The following MCMDC2 variants were observed in gnomAD, a reference collection of about 807,000 sequenced individuals.
MCMDC2 encodes minichromosome maintenance domain containing 2, also known as minichromosome maintenance domain-containing protein 2.
MCMDC2 carries 54 observed loss-of-function variants against 75.8 expected under a neutral mutation model. The observed-to-expected ratio is 0.71, with a 90% CI of 0.57 to 0.89. The LOEUF (loss-of-function observed/expected upper bound fraction) is 0.89. Among genes scored for constraint, MCMDC2 ranks in the 40% least tolerant of loss-of-function variants. MCMDC2 has a pLI of 0.00. For missense variants in MCMDC2, 656 were observed against 780.4 expected (o/e 0.84, Z 1.90); for synonymous variants, 249 against 274.6 (o/e 0.91, Z 0.92).
chr8:66,903,227 CAA>C (rs1224754063), intron 13 of MCMDC2, among the ~76,000 whole-genome samples: 3 of 151,844 alleles, frequency 2.0e-5, no homozygotes, highest in Admixed American at 6.6e-5. Context: ...AAACATTTAT[CAA>C]AGAGTTGACT....
At position 66,875,798 on chromosome 8, in the gene MCMDC2, C is replaced by A. The variant is rs188904569; in HGVS notation, c.285+1212C>A. ...CTCTTTCAATCTAGAGCCATTTCCT[C>A]TCCCTCCCTTTTTAGACCATTACCT... On this transcript the variant is annotated intron_variant, in intron 4 of 14. Transcript: ENST00000422365. Among the ~76,000 whole-genome samples, 539 of 152,300 alleles carry A rather than the reference C, an allele frequency of 3.5e-3. 6 individuals are homozygous for A. The highest frequency in any genetic ancestry group is 0.012 in the African/African-American group (508 of 41,568).
In MCMDC2 at chr8:66,920,693, CTTTT is replaced by C. The variant is rs548938662; in HGVS notation, c.*1531_*1534del. On this transcript the variant is annotated 3_prime_UTR_variant, in exon 15 of 15. Coordinates refer to ENST00000422365, the MANE Select transcript of MCMDC2 (RefSeq NM_173518.5). ...CTTTTACAATTGGAAAGTTTAAAAACTTTTTTTTTTGGAGACAGGGGCTGTCACC... is the reference window on the plus strand; with the variant it reads ...CTTTTACAATTGGAAAGTTTAAAAACTTTTTTGGAGACAGGGGCTGTCACC... 9 of 149,250 alleles carry C rather than the reference CTTTT, an allele frequency of 6.0e-5. No homozygotes were observed. The highest frequency in any genetic ancestry group is 2.0e-4 in the African/African-American group (8 of 40,730). The allele number at this position is 149,250 out of a possible 1,614,324, so 9.2% of individuals were successfully genotyped here.
rs2130855404 is a variant in MCMDC2 at position 66,905,334 on chromosome 8, T to C, written c.1878T>C (p.Tyr626=). 6.8e-7 allele frequency: 1 copy of C among 1,460,716 alleles called. No individual in the cohort carries two copies. Among genetic ancestry groups the C allele is most frequent in the Non-Finnish European group, 9.1e-7 (1 of 1,102,714 alleles). 90.5% of individuals were successfully genotyped at this position (1,460,716 alleles called of 1,614,324 possible). A position where few individuals can be genotyped will look rare whatever the true frequency, so the allele number is the denominator to read the frequency against. The change falls in exon 14 of 15, where the codon TAT becomes TAC. Residue 626 remains tyrosine, a splice_region_variant and synonymous_variant. Transcript: ENST00000422365. ...TTGAAACATCCCTCACATTGAAATA[T>C]GGTAATGAATTAAATTATTAATGAT... ...LLFETSLTLK[Y]GATVFCVAPN...
chr8:66,908,670 G>T (rs777390961), intron 14 of MCMDC2, among the ~76,000 whole-genome samples: 3 of 152,152 alleles, frequency 2.0e-5, no homozygotes, highest in Non-Finnish European at 4.4e-5. Context: ...GAGTGCAGTG[G>T]CACAATCTTG....
intron 14 of MCMDC2, among the ~76,000 whole-genome samples, chr8:66,918,169 T>C (rs1813390218): frequency 6.6e-6 from 1 of 152,230 alleles, no homozygotes; most frequent in Non-Finnish European, 1.5e-5. Context: ...TGAACATCTT[T>C]CTCATGTGCT....
At chr8:66,873,761 C>T (rs1811135682) in intron 1 of MCMDC2, among the ~76,000 whole-genome samples, 1 of 152,052 alleles carries the variant, frequency 6.6e-6, no homozygotes, top group African/African-American at 2.4e-5. Flanking sequence ...GTGGCACACA[C>T]CTGTAGTCCC....
chr8:66,923,855 T>C (rs1442855005), downstream of MCMDC2, among the ~76,000 whole-genome samples: 1 of 151,856 alleles, frequency 6.6e-6, no homozygotes, highest in Non-Finnish European at 1.5e-5. Context: ...GCCACTGCAC[T>C]CCAGCCTGCA....
chr8:66,924,837 A>G (rs78335774), downstream of MCMDC2, among the ~76,000 whole-genome samples: 4,601 of 152,176 alleles, frequency 0.03, 136 homozygotes, highest in African/African-American at 0.061. Flanking sequence ...TTTAGCGCGT[A>G]TTACGAAGGA....
chr8:66,923,948 CAA>C (rs934779841), downstream of MCMDC2, among the ~76,000 whole-genome samples: 1 of 151,954 alleles, frequency 6.6e-6, no homozygotes, highest in Non-Finnish European at 1.5e-5. Flanking sequence ...CCACAAAACC[CAA>C]AAGACTGATG....
At chr8:66,875,210 C>A (rs912037090) in intron 4 of MCMDC2, among the ~76,000 whole-genome samples, 2 of 152,118 alleles carry the variant, frequency 1.3e-5, no homozygotes, top group Middle Eastern at 3.2e-3. Flanking sequence ...TATTTTAAAG[C>A]AAATCCCAGA....
At chr8:66,910,601 G>A (rs1482766122) in intron 14 of MCMDC2, among the ~76,000 whole-genome samples, 1 of 152,216 alleles carries the variant, frequency 6.6e-6, no homozygotes, top group East Asian at 1.9e-4. Context: ...CCTGAGGTCA[G>A]GAGTTGGAGA....
intron 8 of MCMDC2, 128 bp from the exon 9 acceptor site, chr8:66,883,627 CAA>C (rs879539316): frequency 2.2e-4 from 101 of 468,420 alleles, no homozygotes; most frequent in South Asian, 3.5e-4. Context: ...GATCCTGTCT[CAA>C]AAAAAAAAAG....
At chr8:66,922,801 C>T (rs185009650), downstream of MCMDC2, 6 of 253,462 alleles carry the variant, frequency 2.4e-5, no homozygotes, top group African/African-American at 1.4e-4. Flanking sequence ...TAGGAATGGT[C>T]CAAGAAGAGA....
At chr8:66,896,673 T>C in intron 11 of MCMDC2, 107 bp from the exon 12 acceptor site, 2 of 782,164 alleles carry the variant, frequency 2.6e-6, no homozygotes, top group Non-Finnish European at 3.6e-6. Flanking sequence ...TGATAAATAA[T>C]AACTTTAATA....
chr8:66,908,946 C>A (rs566830324), intron 14 of MCMDC2, among the ~76,000 whole-genome samples: 1 of 152,252 alleles, frequency 6.6e-6, no homozygotes, highest in African/African-American at 2.4e-5. Context: ...GTGACTGACA[C>A]AGTTAGGCTT....
At position 66,883,739 on chromosome 8, in the gene MCMDC2, G is replaced by A. The variant is rs1811701726; in HGVS notation, c.836-18G>A. 1.5e-6 allele frequency: 2 copies of A among 1,376,200 alleles called. No homozygotes were observed. The highest frequency in any genetic ancestry group is 1.4e-5 in the African/African-American group (1 of 69,638). The allele number at this position is 1,376,200 out of a possible 1,614,324, so 85.2% of individuals were successfully genotyped here. On this transcript the variant is annotated intron_variant, in intron 8 of 14. Coordinates refer to ENST00000422365, the MANE Select transcript of MCMDC2 (RefSeq NM_173518.5). ...TTTTAAAACCCTTTCTAATATATAT[G>A]TTAATATTTACTTTCAGTTCCTTCA...
intron 14 of MCMDC2, among the ~76,000 whole-genome samples, 180 bp from the exon 15 acceptor site, chr8:66,918,823 T>C (rs1813415554): frequency 6.6e-6 from 1 of 152,204 alleles, no homozygotes; most frequent in Non-Finnish European, 1.5e-5. Flanking sequence ...ATAATGATTA[T>C]TGAAATACTC....
Position 66,876,775 on chromosome 8 carries a change from ACCCAGGCTGGAGTCTCACTCTGTTG to A in MCMDC2, c.286-560_286-536del, listed in dbSNP as rs1474290847. Among the ~76,000 whole-genome samples the A allele has an allele frequency of 1.2e-3, 173 of 143,922 alleles. 2 individuals carry two copies. Among genetic ancestry groups the A allele is most frequent in the African/African-American group, 4.1e-3 (166 of 40,362 alleles). The allele number at this position is 143,922 out of a possible 152,430, so 94.4% of individuals were successfully genotyped here. On this transcript the variant is annotated intron_variant, in intron 4 of 14. Coordinates refer to ENST00000422365, the MANE Select transcript of MCMDC2 (RefSeq NM_173518.5). ...TTTTGAGATGGAGTCTCACTCTGTCACCCAGGCTGGAGTCTCACTCTGTTGCCCAGGCTGGAGTGCAGTGGCGCGA... is the reference window on the plus strand; with the variant it reads ...TTTTGAGATGGAGTCTCACTCTGTCACCCAGGCTGGAGTGCAGTGGCGCGA...
At position 66,874,101 on chromosome 8, in the gene MCMDC2, A is replaced by G. The variant is rs1265482801; in HGVS notation, c.-40A>G. 9 of 1,432,204 alleles carry G rather than the reference A, an allele frequency of 6.3e-6. No homozygotes were observed. Among genetic ancestry groups the G allele is most frequent in the Non-Finnish European group, 7.6e-6 (8 of 1,049,168 alleles). 88.7% of individuals were successfully genotyped at this position (1,432,204 alleles called of 1,614,324 possible). A position where few individuals can be genotyped will look rare whatever the true frequency, so the allele number is the denominator to read the frequency against. On this transcript the variant is annotated 5_prime_UTR_variant, in exon 2 of 15. Coordinates refer to ENST00000422365, the MANE Select transcript of MCMDC2 (RefSeq NM_173518.5). ...TTCGCCATCTATAGCTTTTATCAAC[A>G]ATTGTGGTTTAATCAATTAGAAATA...
Sources: allele counts gnomAD v4.1 joint callset (sites outside exome capture counted in the v4.1 genomes callset), GRCh38; gene constraint gnomAD v4.1.1; transcripts MANE v1.5; gene names NCBI Gene and HGNC (gene_info 2026-07-23, HGNC 2026-07-21).